ROBO2: variants seen among roughly 807,000 people sequenced by gnomAD.
ROBO2 encodes the protein roundabout guidance receptor 2.
A neutral mutation model predicts 160.8 loss-of-function variants in ROBO2; 53 were observed. That is an observed-to-expected ratio of 0.33 (90% confidence interval 0.26 to 0.41). ROBO2 has a LOEUF of 0.41. Among genes scored for constraint, ROBO2 ranks in the 10% least tolerant of loss-of-function variants. The pLI, the probability that ROBO2 is intolerant of heterozygous loss-of-function variation, is 1.00. For synonymous variants in ROBO2, 664 were observed against 611.7 expected, an observed-to-expected ratio of 1.09 and a Z score of -1.26; for missense variants, 1,577 against 1,722.4, an observed-to-expected ratio of 0.92 and a Z score of 1.49.
chr3:76,138,548 T>G (rs2071514577), intron 2 of ROBO2, among the ~76,000 whole-genome samples: 1 of 152,042 alleles, frequency 6.6e-6, no homozygotes, highest in African/African-American at 2.4e-5. Flanking sequence ...TTCTGAAAAT[T>G]AAGACCTAAG....
intron 2 of ROBO2, among the ~76,000 whole-genome samples, chr3:76,725,698 G>T (rs1019846597): frequency 2.6e-5 from 4 of 152,172 alleles, no homozygotes; most frequent in Non-Finnish European, 5.9e-5. Flanking sequence ...AGCAGCCAAA[G>T]TTCTAGTTGG....
intron 4 of ROBO2, among the ~76,000 whole-genome samples, chr3:77,488,771 G>C (rs544408586): frequency 1.3e-5 from 2 of 152,062 alleles, no homozygotes; most frequent in African/African-American, 4.8e-5. Context: ...TTATTGTAAC[G>C]GTTGCCACTG....
intron 2 of ROBO2, among the ~76,000 whole-genome samples, chr3:76,187,594 T>C (rs1347852925): frequency 6.6e-6 from 1 of 152,136 alleles, no homozygotes; most frequent in Non-Finnish European, 1.5e-5. Flanking sequence ...TTCTCTTTCC[T>C]ATTGTGTGTT....
intron 2 of ROBO2, among the ~76,000 whole-genome samples, chr3:76,523,173 G>A (rs1037324451): frequency 4.6e-5 from 7 of 151,914 alleles, no homozygotes; most frequent in Admixed American, 3.3e-4. Context: ...AGATAATAAT[G>A]TACTTGTTCT....
At chr3:77,043,937 G>A (rs1001239228) in intron 1 of ROBO2, among the ~76,000 whole-genome samples, 1 of 152,118 alleles carries the variant, frequency 6.6e-6, no homozygotes, top group Admixed American at 6.5e-5. Flanking sequence ...GAATCTCATA[G>A]AGGTTTATAC....
In ROBO2 at chr3:76,278,382, C is replaced by T. The variant is rs577150296; in HGVS notation, c.109+340780C>T. ...AAACTGGAAAAGCCCAGGTACATTT[C>T]GGTCTAGATTGTTGAATAGGATATT... On this transcript the variant is annotated intron_variant, in intron 2 of 26. Coordinates refer to the ROBO2 transcript ENST00000487694. Among the ~76,000 whole-genome samples, 79 of 152,006 alleles carry T rather than the reference C, an allele frequency of 5.2e-4. 1 individual carries two copies. The South Asian group carries it at 0.016, about 31-fold the overall frequency.
chr3:77,079,501 G>A (rs925459153), intron 1 of ROBO2, among the ~76,000 whole-genome samples: 7 of 151,986 alleles, frequency 4.6e-5, no homozygotes, highest in Non-Finnish European at 5.9e-5. Context: ...TGGTGACTTC[G>A]AATTTGAGAA....
At chr3:76,373,279 C>G (rs1234969751) in intron 2 of ROBO2, among the ~76,000 whole-genome samples, 1 of 151,826 alleles carries the variant, frequency 6.6e-6, no homozygotes, top group East Asian at 1.9e-4. Flanking sequence ...CTTTTTCTAA[C>G]CAGGAAGAGT....
At chr3:76,371,898 A>G (rs552567926) in intron 2 of ROBO2, among the ~76,000 whole-genome samples, 10 of 152,030 alleles carry the variant, frequency 6.6e-5, no homozygotes, top group African/African-American at 2.2e-4. Context: ...GAATAAAGCA[A>G]TAAAAATATA....
At chr3:77,330,057 T>A (rs1321136278) in intron 2 of ROBO2, among the ~76,000 whole-genome samples, 1 of 152,162 alleles carries the variant, frequency 6.6e-6, no homozygotes, top group African/African-American at 2.4e-5. Context: ...TTAATATAAA[T>A]TAAACCATTT....
chr3:77,315,971 C>T (rs1333187038), intron 2 of ROBO2, among the ~76,000 whole-genome samples: 4 of 151,788 alleles, frequency 2.6e-5, no homozygotes, highest in Admixed American at 2.0e-4. Context: ...TATAATTCCA[C>T]ACAAAATGGA....
intron 2 of ROBO2, among the ~76,000 whole-genome samples, chr3:76,946,850 G>A (rs2078580948): frequency 6.6e-6 from 1 of 152,206 alleles, no homozygotes; most frequent in African/African-American, 2.4e-5. Context: ...TGTTTTGTAA[G>A]CTGCAAATTC....
At chr3:75,941,339 C>T (rs1461163314) in intron 2 of ROBO2, among the ~76,000 whole-genome samples, 2 of 151,970 alleles carry the variant, frequency 1.3e-5, no homozygotes, top group Non-Finnish European at 2.9e-5. Context: ...TGGAGTGACA[C>T]AAAAATAATT....
At chr3:76,572,267 G>A (rs1560170982) in intron 2 of ROBO2, among the ~76,000 whole-genome samples, 1 of 152,050 alleles carries the variant, frequency 6.6e-6, no homozygotes, top group African/African-American at 2.4e-5. Flanking sequence ...TAGGGAAGCT[G>A]ATATTTAAAC....
chr3:77,588,821 G>A, exon 17 of ROBO2: 1 of 1,613,602 alleles, frequency 6.2e-7, no homozygotes, highest in Non-Finnish European at 8.5e-7. Flanking sequence ...ATGTGGTGAA[G>A]CAACCAGCCT....
intron 2 of ROBO2, among the ~76,000 whole-genome samples, chr3:76,181,602 A>G (rs1045325887): frequency 6.6e-6 from 1 of 152,174 alleles, no homozygotes; most frequent in African/African-American, 2.4e-5. Context: ...CTTCAAGTAA[A>G]ATATTTCAAT....
chr3:76,217,236 A>G (rs1274077520), intron 2 of ROBO2, among the ~76,000 whole-genome samples: 1 of 152,166 alleles, frequency 6.6e-6, no homozygotes, highest in East Asian at 1.9e-4. Context: ...TGACACCCTA[A>G]CATCACAATG....
At position 77,200,312 on chromosome 3, in the gene ROBO2, TA is replaced by T. The variant is rs1560218900; in HGVS notation, c.388+101973del. Among the ~76,000 whole-genome samples, 301 of 90,650 alleles carry T rather than the reference TA, an allele frequency of 3.3e-3. 14 individuals are homozygous for T. Among genetic ancestry groups the T allele is most frequent in the East Asian group, 0.033 (92 of 2,790 alleles). The allele number at this position is 90,650 out of a possible 152,430, so 59.5% of individuals were successfully genotyped here. ...ATATATATATATATATATATATATA[TA>T]TATATATATTTTAGTTTCTATAGGT... is the stretch of plus-strand genomic sequence containing the variant. On this transcript the variant is annotated intron_variant, in intron 2 of 25. Transcript: ENST00000461745.
rs146725431 is a variant in ROBO2, at chr3:77,115,688, A to G, written c.388+17348A>G. Among the ~76,000 whole-genome samples the G allele has an allele frequency of 4.2e-3, 634 of 152,346 alleles. 1 individual carries two copies. Among genetic ancestry groups the G allele is most frequent in the Non-Finnish European group, 6.9e-3 (471 of 68,020 alleles). ...ATCTGTTGTTTTGTTTGGGAGTTTA[A>G]AGATAGTTTATTCTGCATTTAAAGA... On this transcript the variant is annotated intron_variant, in intron 2 of 25. Transcript: ENST00000461745.
Sources: gnomAD v4.1 joint callset for allele counts (sites outside exome capture counted in the v4.1 genomes callset) on GRCh38, gnomAD v4.1.1 for gene constraint, MANE v1.5 for transcripts, NCBI Gene and HGNC (gene_info 2026-07-23, HGNC 2026-07-21) for gene names.